PLG: variants seen among roughly 807,000 people sequenced by gnomAD.
PLG encodes the protein plasmin.
In PLG, 41 loss-of-function variants were observed where a neutral mutation model predicts 104.4. The ratio of observed to expected loss-of-function variants is 0.39; its 90% CI spans 0.31 to 0.51. The LOEUF is 0.51. Ranked by LOEUF, PLG falls within the 20% of genes least tolerant of loss-of-function variation. PLG has a pLI of 0.76. For synonymous variants in PLG, 337 were observed against 357.1 expected, an observed-to-expected ratio of 0.94 and a Z score of 0.63; for missense variants, 891 against 1,003.6, an observed-to-expected ratio of 0.89 and a Z score of 1.52.
At chr6:160,718,104 T>C (rs566054920) in intron 7 of PLG, among the ~76,000 whole-genome samples, 190 bp from the exon 8 acceptor site, 1 of 152,162 alleles carries the variant, frequency 6.6e-6, no homozygotes, top group East Asian at 1.9e-4. Context: ...ACAAAAAAAT[T>C]AGCCAGTTGT....
chr6:160,718,312 C>T lies in PLG; in HGVS notation c.806C>T (p.Ser269Phe). The change falls in exon 8 of 19, where the codon TCT becomes TTT. Residue 269 changes from serine (S) to phenylalanine (F), a missense_variant. Transcript: ENST00000308192. ...ATTCAAGCAACACCTCCACCATCTTCTGGTCCCACCTACCAGTGTCTGAAG... is the reference window on the plus strand; with the variant it reads ...ATTCAAGCAACACCTCCACCATCTTTTGGTCCCACCTACCAGTGTCTGAAG... The part of the protein sequence containing the change: ...IPRCTTPPPS[S>F]GPTYQCLKGT... 6.2e-7 allele frequency: 1 copy of T among 1,613,972 alleles called. No individual in the cohort carries two copies.
intron 1 of PLG, among the ~76,000 whole-genome samples, chr6:160,704,998 G>A (rs1381546298): frequency 2.6e-5 from 4 of 152,150 alleles, no homozygotes; most frequent in East Asian, 1.9e-4. Context: ...TGGAGGGCTC[G>A]CTGTCTTCAG....
At position 160,736,992 on chromosome 6, in the gene PLG, T is replaced by G. The variant is rs372520102; in HGVS notation, c.1787T>G (p.Val596Gly). The change falls in exon 14 of 19, where the codon GTC (valine) becomes GGC (glycine). Residue 596 changes from valine (V) to glycine (G), a missense_variant. Transcript: ENST00000308192. This position sits in a 1 kb window ranked among gnomAD's most constrained non-coding sequence, Gnocchi z 5.2. ...CACCCACATTCCTGGCCCTGGCAAG[T>G]CAGTCTTAGAACAAGGTAAGAACAG... is the stretch of plus-strand genomic sequence containing the variant. Reference protein sequence around the residue: ...VAHPHSWPWQVSLRTRFGMHF... With the variant: ...VAHPHSWPWQGSLRTRFGMHF... 9.3e-6 allele frequency: 15 copies of G among 1,613,370 alleles called. No individual in the cohort carries two copies. Among genetic ancestry groups the G allele is most frequent in the Non-Finnish European group, 1.3e-5 (15 of 1,179,878 alleles).
Position 160,740,944 on chromosome 6 carries a change from A to G in PLG, c.2019-367A>G, listed in dbSNP as rs1209647173. ...CCTCTTGGTGGCATCTCAGTCAGAC[A>G]TTCCATGCACTGATCAATGCCCTAT... On this transcript the variant is annotated intron_variant, in intron 16 of 18. Transcript: ENST00000308192. The surrounding 1 kb of genome is among the most constrained non-coding windows in gnomAD (Gnocchi z 5.2). Among the ~76,000 whole-genome samples, 1 of 151,892 alleles carries G rather than the reference A, an allele frequency of 6.6e-6. No homozygotes were observed. Among genetic ancestry groups the G allele is most frequent in the Admixed American group, 6.5e-5 (1 of 15,270 alleles).
chr6:160,713,322 G>GT, intron 5 of PLG, 197 bp downstream of exon 5: 1 of 550,738 alleles, frequency 1.8e-6, no homozygotes, highest in Non-Finnish European at 3.3e-6. Flanking sequence ...CCAGGCTAGA[G>GT]TGCAACCGTG....
At chr6:160,713,251 C>CA in intron 5 of PLG, 126 bp downstream of exon 5, 1 of 829,896 alleles carries the variant, frequency 1.2e-6, no homozygotes, top group Non-Finnish European at 2.0e-6. Flanking sequence ...CGGAAAGAAG[C>CA]AAAACCCCAG....
Position 160,731,231 on chromosome 6 carries a change from A to C in PLG, c.1437A>C (p.Glu479Asp). 1 of 1,612,166 alleles carries C rather than the reference A, an allele frequency of 6.2e-7. No individual in the cohort carries two copies. The highest frequency in any genetic ancestry group is 8.5e-7 in the Non-Finnish European group (1 of 1,178,910). The change falls in exon 11 of 19, where the codon GAA becomes GAC. Residue 479 changes from glutamate (E) to aspartate (D), a missense_variant and splice_region_variant. This residue lies in a region of PLG where 854 missense variants were observed against 932.1 expected (regional missense o/e 0.92). Coordinates refer to ENST00000308192, the MANE Select transcript of PLG (RefSeq NM_000301.5). This position sits in a 1 kb window ranked among gnomAD's most constrained non-coding sequence, Gnocchi z 5.1. Reference sequence around the variant, plus strand: ...CAGATGTAGAGACTCCTTCCGAAGAAGGTAAGAAATCTGTGGCTGGACATC... The same window carrying C: ...CAGATGTAGAGACTCCTTCCGAAGACGGTAAGAAATCTGTGGCTGGACATC... ...LLPDVETPSE[E>D]DCMFGNGKGY...
Position 160,731,802 on chromosome 6 carries a change from G to A in PLG, c.1496G>A (p.Gly499Glu). 6.2e-7 allele frequency: 1 copy of A among 1,613,952 alleles called. No homozygotes were observed. The highest frequency in any genetic ancestry group is 1.1e-5 in the South Asian group (1 of 91,070). Residue 499 changes from glycine (G) to glutamate (E), a missense_variant, in exon 12 of 19, where the codon GGG (glycine) becomes GAG (glutamate). Around this residue, in one of 2 missense-constraint regions of PLG, gnomAD observed 854 missense variants for 932.1 expected, o/e 0.92. Transcript: ENST00000308192. The surrounding 1 kb of genome is among the most constrained non-coding windows in gnomAD (Gnocchi z 5.1). ...GGCAAGAGGGCGACCACTGTTACTGGGACGCCATGCCAGGACTGGGCTGCC... is the reference window on the plus strand; with the variant it reads ...GGCAAGAGGGCGACCACTGTTACTGAGACGCCATGCCAGGACTGGGCTGCC... Reference protein sequence around the residue: ...YRGKRATTVTGTPCQDWAAQE... With the variant: ...YRGKRATTVTETPCQDWAAQE...
Position 160,722,467 on chromosome 6 carries a change from C to A in PLG, c.1156C>A (p.Arg386=), listed in dbSNP as rs771610738. The A allele has an allele frequency of 6.2e-7, 1 of 1,612,218 alleles. No homozygotes were observed. Among genetic ancestry groups the A allele is most frequent in the Non-Finnish European group, 8.5e-7 (1 of 1,178,466 alleles). Residue 386 remains arginine, a synonymous_variant, in exon 10 of 19, where the codon CGA becomes AGA. Transcript: ENST00000308192. ...DCYHGDGQSY[R]GTSSTTTTGK... ...CTACCATGGTGATGGACAGAGCTACCGAGGCACATCCTCCACCACCACCAC... is the reference window on the plus strand; with the variant it reads ...CTACCATGGTGATGGACAGAGCTACAGAGGCACATCCTCCACCACCACCAC...
Position 160,744,155 on chromosome 6 carries a change from A to G in PLG, c.2125+2738A>G, listed in dbSNP as rs1056600971. Among the ~76,000 whole-genome samples the G allele has an allele frequency of 1.3e-5, 2 of 152,202 alleles. No individual in the cohort carries two copies. The highest frequency in any genetic ancestry group is 4.8e-5 in the African/African-American group (2 of 41,446). The stretch of plus-strand genomic sequence containing the variant: ...TGTGTCTCTGCCAGGTTTTGGTATC[A>G]GGATGATGCTGACCTCATAGAATGA... On this transcript the variant is annotated intron_variant, in intron 17 of 18. Transcript: ENST00000308192. The surrounding 1 kb of genome is among the most constrained non-coding windows in gnomAD (Gnocchi z 4.5).
In PLG at chr6:160,736,408, CACA is replaced by C. The variant is rs1332213484; in HGVS notation, c.1682-478_1682-476del. Among the ~76,000 whole-genome samples the C allele has an allele frequency of 1.3e-5, 2 of 152,200 alleles. No individual in the cohort carries two copies. The highest frequency in any genetic ancestry group is 2.9e-5 in the Non-Finnish European group (2 of 68,040). Reference sequence around the variant, plus strand: ...ACATACACACACACACACACGTGCACACACAGAGACTCACATGGAAAAATAAAC... The same window carrying C: ...ACATACACACACACACACACGTGCACCAGAGACTCACATGGAAAAATAAAC... On this transcript the variant is annotated intron_variant, in intron 13 of 18. Transcript: ENST00000308192. This position sits in a 1 kb window ranked among gnomAD's most constrained non-coding sequence, Gnocchi z 5.2.
rs748326693 is a variant in PLG, at chr6:160,718,849, G to T, written c.1096+11G>T. 4.3e-6 allele frequency: 7 copies of T among 1,612,808 alleles called. No individual in the cohort carries two copies. In the Admixed American group the frequency reaches 1.0e-4, roughly 23 times the overall value. ...AATTGGCTCCCACAGGTAAGCAAGG[G>T]TATGGGAGCTTACTGAGGGCCCAAG... On this transcript the variant is annotated intron_variant, in intron 9 of 18. Transcript: ENST00000308192.
In PLG at chr6:160,723,121, G is replaced by A. The variant is rs1777865451; in HGVS notation, c.1256+554G>A. On this transcript the variant is annotated intron_variant, in intron 10 of 18. Coordinates refer to ENST00000308192, the MANE Select transcript of PLG (RefSeq NM_000301.5). The surrounding 1 kb of genome is among the most constrained non-coding windows in gnomAD (Gnocchi z 4.7). Reference sequence around the variant, plus strand: ...TATATATATGTACACATATATGTGTGTATATATATGTACACATATATGTGT... The same window carrying A: ...TATATATATGTACACATATATGTGTATATATATATGTACACATATATGTGT... Among the ~76,000 whole-genome samples, 1 of 150,778 alleles carries A rather than the reference G, an allele frequency of 6.6e-6. No homozygotes were observed. Among genetic ancestry groups the A allele is most frequent in the South Asian group, 2.1e-4 (1 of 4,816 alleles).
chr6:160,727,965 A>G (rs529074767), intron 10 of PLG, among the ~76,000 whole-genome samples: 17 of 152,098 alleles, frequency 1.1e-4, no homozygotes, highest in African/African-American at 3.8e-4. Flanking sequence ...AAAGAGAGGA[A>G]AAAAAGGAAG....
intron 3 of PLG, chr6:160,708,416 G>A (rs1777572079): frequency 6.6e-6 from 1 of 152,520 alleles, no homozygotes. Flanking sequence ...CTTAGAATAA[G>A]AGGCAGACAG....
intron 10 of PLG, among the ~76,000 whole-genome samples, chr6:160,727,442 C>A (rs1777936927): frequency 6.8e-6 from 1 of 147,202 alleles, no homozygotes; most frequent in African/African-American, 2.5e-5. Context: ...TTTCTTGACT[C>A]AATTTGTGAG....
rs888680142 is a variant in PLG, at chr6:160,748,635, G to T, written c.2126-3480G>T. Among the ~76,000 whole-genome samples, 7 of 152,290 alleles carry T rather than the reference G, an allele frequency of 4.6e-5. No homozygotes were observed. In the South Asian group the frequency reaches 1.0e-3, roughly 23 times the overall value. On this transcript the variant is annotated intron_variant, in intron 17 of 18. Coordinates refer to ENST00000308192, the MANE Select transcript of PLG (RefSeq NM_000301.5). The stretch of plus-strand genomic sequence containing the variant: ...CCTGATAATAATATGGAATAGAGTT[G>T]TATCTAACATGACTCTTTCTTGCAA...
At chr6:160,722,376 G>C (rs1193312664) in intron 9 of PLG, 32 bp from the exon 10 acceptor site, 6 of 1,567,034 alleles carry the variant, frequency 3.8e-6, no homozygotes. Context: ...TTCAGTAATT[G>C]TTAAGCTTGA....
At chr6:160,712,550 T>C (rs1238743129) in intron 4 of PLG, among the ~76,000 whole-genome samples, 1 of 152,190 alleles carries the variant, frequency 6.6e-6, no homozygotes, top group African/African-American at 2.4e-5. Flanking sequence ...CCTCAAATGG[T>C]TTTATTAGGA....
Sources: allele counts gnomAD v4.1 joint callset (sites outside exome capture counted in the v4.1 genomes callset), GRCh38; gene constraint gnomAD v4.1.1; regional missense constraint gnomAD v4.1.1; non-coding constraint Gnocchi (gnomAD v3.1); transcripts MANE v1.5; gene names NCBI Gene and HGNC (gene_info 2026-07-23, HGNC 2026-07-21).